Variants in STARD9 observed in about 807,000 individuals in gnomAD.
STARD9 encodes the protein StAR related lipid transfer domain containing 9, also known as stAR-related lipid transfer protein 9.
In STARD9, 346 loss-of-function variants were observed where a neutral mutation model predicts 399.8. The observed-to-expected ratio is 0.87, with a 90% CI of 0.79 to 0.95. The LOEUF (loss-of-function observed/expected upper bound fraction) is 0.95. Among genes scored for constraint, STARD9 ranks in the 40% least tolerant of loss-of-function variants. The pLI is 0.00. For missense variants in STARD9, 5,832 were observed against 5,667.5 expected, an observed-to-expected ratio of 1.03 and a Z score of -0.93; for synonymous variants, 2,203 against 2,143.5, an observed-to-expected ratio of 1.03 and a Z score of -0.77.
At chr15:42,633,960 C>G (rs2141912191) in intron 3 of STARD9, among the ~76,000 whole-genome samples, 1 of 152,166 alleles carries the variant, frequency 6.6e-6, no homozygotes, top group East Asian at 1.9e-4. Context: ...GGCCTCATTT[C>G]ATGTGCTAGT....
chr15:42,596,300 C>G (rs2058503227), intron 3 of STARD9, among the ~76,000 whole-genome samples: 1 of 152,134 alleles, frequency 6.6e-6, no homozygotes. Context: ...TTTTCTCTTG[C>G]TTGGATCTGC....
In STARD9 at chr15:42,689,754, T is replaced by G. The variant is rs2060646023; in HGVS notation, c.8176T>G (p.Ser2726Ala). 2 of 1,537,752 alleles carry G rather than the reference T, an allele frequency of 1.3e-6. No homozygotes were observed. Among genetic ancestry groups the G allele is most frequent in the Middle Eastern group, 1.7e-4 (1 of 5,994 alleles). Residue 2726 changes from serine to alanine, a missense_variant, in exon 23 of 33, where the codon TCA becomes GCA. Ser to Ala is a moderately conservative substitution (Grantham distance 99). Transcript: ENST00000290607. Reference protein sequence around the residue: ...DPLAPDSPRSSAPVEEVRRVV... With the variant: ...DPLAPDSPRSAAPVEEVRRVV... ...TTTGGCCCCAGACAGTCCTCGTTCT[T>G]CAGCACCTGTGGAGGAGGTCAGGAG...
At chr15:42,703,507 G>T (rs189236684) in intron 26 of STARD9, among the ~76,000 whole-genome samples, 53 of 150,166 alleles carry the variant, frequency 3.5e-4, no homozygotes, top group African/African-American at 1.3e-3. Context: ...GAGATTATAG[G>T]CGCCAGCCAC....
chr15:42,610,960 G>A (rs2058836491), intron 3 of STARD9, among the ~76,000 whole-genome samples: 1 of 152,158 alleles, frequency 6.6e-6, no homozygotes, highest in Admixed American at 6.5e-5. Context: ...ATCTGTATAT[G>A]TACTTTCATT....
intron 3 of STARD9, among the ~76,000 whole-genome samples, chr15:42,628,312 A>T (rs1357774681): frequency 6.6e-6 from 1 of 151,966 alleles, no homozygotes; most frequent in Non-Finnish European, 1.5e-5. Context: ...TGCATTCCTT[A>T]TGTATTCTGG....
chr15:42,624,279 TTAAAA>T (rs1471936508), intron 3 of STARD9, among the ~76,000 whole-genome samples: 1 of 152,126 alleles, frequency 6.6e-6, no homozygotes, highest in Non-Finnish European at 1.5e-5. Flanking sequence ...TAATTACTAA[TTAAAA>T]TGAAAAATAT....
At chr15:42,680,354 C>G (rs1279829461) in intron 20 of STARD9, among the ~76,000 whole-genome samples, 1 of 152,068 alleles carries the variant, frequency 6.6e-6, no homozygotes, top group Non-Finnish European at 1.5e-5. Flanking sequence ...AGTCCTAGCA[C>G]TTTGGGAGGC....
rs1199265642 is a variant in STARD9 at position 42,666,146 on chromosome 15, G to A, written c.1317+298G>A. ...ATCAGTCAACCAAGATGTATTCATT[G>A]TTTGAGGATCAAATAGGTGCTCAGC... On this transcript the variant is annotated intron_variant, in intron 15 of 32. Transcript: ENST00000290607. 2.0e-5 allele frequency among the ~76,000 whole-genome samples: 3 copies of A among 152,338 alleles called. No homozygotes were observed. The East Asian group carries it at 5.8e-4, about 29-fold the overall frequency.
chr15:42,582,584 C>G (rs1247010242), intron 1 of STARD9, among the ~76,000 whole-genome samples: 1 of 152,150 alleles, frequency 6.6e-6, no homozygotes, highest in African/African-American at 2.4e-5. Context: ...TTCTCAGGGT[C>G]TCAGCAGAGA....
At chr15:42,626,643 G>A (rs969689401) in intron 3 of STARD9, among the ~76,000 whole-genome samples, 2 of 151,582 alleles carry the variant, frequency 1.3e-5, no homozygotes, top group Admixed American at 6.6e-5. Flanking sequence ...TGGGATTACA[G>A]GCATGCGCCA....
intron 7 of STARD9, among the ~76,000 whole-genome samples, chr15:42,640,153 A>T (rs971726938): frequency 7.9e-5 from 12 of 152,150 alleles, no homozygotes; most frequent in Admixed American, 2.6e-4. Flanking sequence ...CCTGGCCTCA[A>T]GTGATCTTCC....
intron 9 of STARD9, among the ~76,000 whole-genome samples, chr15:42,659,087 T>A (rs1232249097): frequency 6.6e-6 from 1 of 151,946 alleles, no homozygotes; most frequent in Non-Finnish European, 1.5e-5. Context: ...CACTTCAGCC[T>A]AGGTGACACA....
chr15:42,606,667 G>A (rs2058729953), intron 3 of STARD9, among the ~76,000 whole-genome samples: 1 of 149,358 alleles, frequency 6.7e-6, no homozygotes, highest in Non-Finnish European at 1.5e-5. Context: ...TTTCCAAGTT[G>A]CCTAGGCTGG....
At position 42,720,557 on chromosome 15, in the gene STARD9, A is replaced by T. The variant is rs570591779; in HGVS notation, c.*983A>T. On this transcript the variant is annotated 3_prime_UTR_variant, in exon 33 of 33. Coordinates refer to ENST00000290607, the MANE Select transcript of STARD9 (RefSeq NM_020759.3). ...TTTCTGCCCTGGCCCCACCTATCCTAGGATGGGGTGGGATGGAGAGTGGGT... is the reference window on the plus strand; with the variant it reads ...TTTCTGCCCTGGCCCCACCTATCCTTGGATGGGGTGGGATGGAGAGTGGGT... 7.2e-5 allele frequency: 11 copies of T among 152,348 alleles called. No individual in the cohort carries two copies. In the East Asian group the frequency reaches 2.1e-3, roughly 29 times the overall value. 9.4% of individuals were successfully genotyped at this position (152,348 alleles called of 1,614,324 possible).
At chr15:42,599,924 C>T (rs2058588731) in intron 3 of STARD9, among the ~76,000 whole-genome samples, 2 of 152,130 alleles carry the variant, frequency 1.3e-5, no homozygotes, top group Admixed American at 1.3e-4. Flanking sequence ...AGAGTAAGTA[C>T]TTAAGGAATC....
intron 20 of STARD9, among the ~76,000 whole-genome samples, chr15:42,677,177 T>C (rs951301603): frequency 3.6e-5 from 5 of 137,646 alleles, no homozygotes; most frequent in African/African-American, 1.4e-4. Flanking sequence ...GGCAGGAGAA[T>C]CACTTGAACC....
intron 15 of STARD9, among the ~76,000 whole-genome samples, chr15:42,667,756 G>C (rs904914919): frequency 6.6e-6 from 1 of 152,236 alleles, no homozygotes; most frequent in Admixed American, 6.5e-5. Context: ...TGGGATTACA[G>C]GCGTGAGCCA....
chr15:42,675,891 G>T lies in STARD9; in HGVS notation c.1790G>T (p.Gly597Val), dbSNP rs933873494. The T allele has an allele frequency of 5.9e-6, 9 of 1,537,118 alleles. No individual in the cohort carries two copies. In the Admixed American group the frequency reaches 9.8e-5, roughly 17 times the overall value. The change falls in exon 20 of 33, where the codon GGT (glycine) becomes GTT (valine). Residue 597 changes from glycine (G) to valine (V), a missense_variant. Around this residue, in one of 2 missense-constraint regions of STARD9, gnomAD observed 5,828 missense variants for 5,651.1 expected, o/e 1.03. Coordinates refer to ENST00000290607, the MANE Select transcript of STARD9 (RefSeq NM_020759.3). ...QRRQVGEAAA[G>V]RGSLEWLDLD... ...TTCAAGGTTGGAGAGGCTGCTGCTG[G>T]TCGTGGCTCGTTGGAGTGGCTGGAT...
chr15:42,585,721 A>G (rs1566851862), intron 3 of STARD9, 84 bp downstream of exon 3: 1 of 916,744 alleles, frequency 1.1e-6, no homozygotes, highest in Admixed American at 2.2e-5. Context: ...GATACTTTGC[A>G]AGGTTAGTAT....
Sources: allele counts gnomAD v4.1 joint callset (sites outside exome capture counted in the v4.1 genomes callset), GRCh38; gene constraint gnomAD v4.1.1; regional missense constraint gnomAD v4.1.1; transcripts MANE v1.5; gene names NCBI Gene and HGNC (gene_info 2026-07-23, HGNC 2026-07-21).